Variants in TBCA observed in about 807,000 individuals in gnomAD.
TBCA encodes tubulin-specific chaperone A.
In TBCA, 6 loss-of-function variants were observed where a neutral mutation model predicts 15.8. That is an observed-to-expected ratio of 0.38 (90% CI 0.21 to 0.75). The LOEUF is 0.75. Among genes scored for constraint, TBCA ranks in the 30% least tolerant of loss-of-function variants. The probability of loss-of-function intolerance (pLI) is 0.46; values close to 1 mark genes in which losing one functional copy is unlikely to be tolerated. For synonymous variants in TBCA, 32 were observed against 42.3 expected, an observed-to-expected ratio of 0.76 and a Z score of 0.94; for missense variants, 90 against 131.2, an observed-to-expected ratio of 0.69 and a Z score of 1.53.
At chr5:77,739,282 G>A (rs1356534735) in intron 1 of TBCA, among the ~76,000 whole-genome samples, 4 of 151,954 alleles carry the variant, frequency 2.6e-5, no homozygotes, top group Admixed American at 6.6e-5. Context: ...CCAACATGGT[G>A]AACCCTTGTC....
chr5:77,716,554 T>C (rs1746403055), intron 1 of TBCA, among the ~76,000 whole-genome samples: 1 of 152,130 alleles, frequency 6.6e-6, no homozygotes, highest in Non-Finnish European at 1.5e-5. Flanking sequence ...GCCATATATA[T>C]CATTTAAGTC....
intron 1 of TBCA, among the ~76,000 whole-genome samples, chr5:77,762,183 T>A (rs1447048677): frequency 6.6e-6 from 1 of 152,198 alleles, no homozygotes; most frequent in Non-Finnish European, 1.5e-5. Flanking sequence ...GAGTGTTCAC[T>A]AGATGTTTGC....
At chr5:77,699,853 C>A (rs1449145567) in intron 2 of TBCA, among the ~76,000 whole-genome samples, 1 of 151,948 alleles carries the variant, frequency 6.6e-6, no homozygotes, top group African/African-American at 2.4e-5. Flanking sequence ...GCCTGACCAA[C>A]ACGGTGAAAC....
At chr5:77,757,018 A>G (rs905890616) in intron 1 of TBCA, among the ~76,000 whole-genome samples, 1 of 152,180 alleles carries the variant, frequency 6.6e-6, no homozygotes, top group Admixed American at 6.5e-5. Context: ...TTTTTAAGAC[A>G]GGAAACAAAT....
intron 1 of TBCA, among the ~76,000 whole-genome samples, chr5:77,772,934 A>C (rs1003139763): frequency 2.0e-5 from 3 of 152,242 alleles, no homozygotes; most frequent in African/African-American, 7.2e-5. Flanking sequence ...ACTTGAACTA[A>C]GTAATTTTAT....
At chr5:77,737,016 AAAGAC>A (rs1746924744) in intron 1 of TBCA, among the ~76,000 whole-genome samples, 1 of 152,228 alleles carries the variant, frequency 6.6e-6, no homozygotes, top group African/African-American at 2.4e-5. Flanking sequence ...GGAATCTAGA[AAAGAC>A]TTTTGGGAAT....
intron 1 of TBCA, among the ~76,000 whole-genome samples, chr5:77,734,624 C>A (rs1219873200): frequency 1.3e-5 from 2 of 152,146 alleles, no homozygotes; most frequent in Non-Finnish European, 2.9e-5. Flanking sequence ...AAAATGGTTT[C>A]TTGAGATGAA....
At chr5:77,699,421 A>G (rs1745953566) in intron 2 of TBCA, among the ~76,000 whole-genome samples, 1 of 152,252 alleles carries the variant, frequency 6.6e-6, no homozygotes. Context: ...AGAACACAAA[A>G]GTAAACCCAC....
intron 1 of TBCA, among the ~76,000 whole-genome samples, chr5:77,764,553 T>C (rs1024340430): frequency 2.0e-4 from 30 of 152,198 alleles, no homozygotes; most frequent in African/African-American, 6.8e-4. Flanking sequence ...AAAAAGTTTA[T>C]AGCAATATTC....
chr5:77,715,104 C>G (rs1236473639), intron 1 of TBCA: 1 of 611,514 alleles, frequency 1.6e-6, no homozygotes, highest in Non-Finnish European at 2.9e-6. Context: ...GAGAAGAGGA[C>G]ACATGAGTTA....
In TBCA at chr5:77,691,725, C is replaced by T. The variant is rs553666534; in HGVS notation, c.247-227G>A. The T allele has an allele frequency of 3.3e-4, 392 of 1,197,092 alleles. 5 individuals carry two copies. The South Asian group carries it at 0.011, about 33-fold the overall frequency. The allele number at this position is 1,197,092 out of a possible 1,614,324, so 74.2% of individuals were successfully genotyped here. A position where few individuals can be genotyped will look rare whatever the true frequency, so the allele number is the denominator to read the frequency against. ...GGTTTTGTTTCACTGTATATATTCT[C>T]ATAAAATAAGTGAATAACAGTCTTC... is the stretch of plus-strand genomic sequence containing the variant. On this transcript the variant is annotated intron_variant, in intron 3 of 3. Coordinates refer to ENST00000380377, the MANE Select transcript of TBCA (RefSeq NM_004607.3).
At chr5:77,754,847 A>G (rs1175660678) in intron 1 of TBCA, among the ~76,000 whole-genome samples, 1 of 152,228 alleles carries the variant, frequency 6.6e-6, no homozygotes, top group African/African-American at 2.4e-5. Flanking sequence ...GACATTTCTA[A>G]TATTATTTTA....
At chr5:77,696,728 C>T (rs974351653) in intron 2 of TBCA, among the ~76,000 whole-genome samples, 1 of 152,260 alleles carries the variant, frequency 6.6e-6, no homozygotes, top group East Asian at 1.9e-4. Flanking sequence ...TTGCGACCAG[C>T]CTGGGCAACA....
Position 77,691,511 on chromosome 5 carries a change from A to C in TBCA, c.247-13T>G. 6.4e-7 allele frequency: 1 copy of C among 1,574,204 alleles called. No homozygotes were observed. Among genetic ancestry groups the C allele is most frequent in the Non-Finnish European group, 8.6e-7 (1 of 1,163,320 alleles). ...CTTTTTCATTTTCCTAAAATGAAAT[A>C]CAATAAAAATTAAGTTTATCCTTTT... On this transcript the variant is annotated splice_polypyrimidine_tract_variant and intron_variant, in intron 3 of 3. Coordinates refer to ENST00000380377, the MANE Select transcript of TBCA (RefSeq NM_004607.3).
chr5:77,713,484 G>A (rs1323839943), intron 1 of TBCA, among the ~76,000 whole-genome samples: 1 of 152,020 alleles, frequency 6.6e-6, no homozygotes, highest in Non-Finnish European at 1.5e-5. Flanking sequence ...ATACTGTGAT[G>A]AGCATCCCTA....
At chr5:77,760,161 CAG>C (rs966667055) in intron 1 of TBCA, among the ~76,000 whole-genome samples, 21 of 152,276 alleles carry the variant, frequency 1.4e-4, no homozygotes, top group African/African-American at 5.1e-4. Flanking sequence ...ACTTCTAACA[CAG>C]AGGATCAGTC....
chr5:77,736,294 C>G (rs1359627237), intron 1 of TBCA, among the ~76,000 whole-genome samples: 1 of 148,786 alleles, frequency 6.7e-6, no homozygotes, highest in African/African-American at 2.5e-5. Context: ...CGAGATCGCA[C>G]CATTGCACTC....
At chr5:77,696,724 C>T (rs1378811888) in intron 2 of TBCA, among the ~76,000 whole-genome samples, 1 of 152,146 alleles carries the variant, frequency 6.6e-6, no homozygotes, top group Admixed American at 6.6e-5. Flanking sequence ...TAGTTTGCGA[C>T]CAGCCTGGGC....
In TBCA at chr5:77,776,259, G is replaced by A. The variant is rs1260137806; in HGVS notation, c.-2C>T. 1.3e-6 allele frequency: 2 copies of A among 1,578,974 alleles called. No individual in the cohort carries two copies. Among genetic ancestry groups the A allele is most frequent in the South Asian group, 1.2e-5 (1 of 86,200 alleles). On this transcript the variant is annotated 5_prime_UTR_variant, in exon 1 of 4. Coordinates refer to ENST00000380377, the MANE Select transcript of TBCA (RefSeq NM_004607.3). ...CTGTCTCACGCGAGGATCGGCCATG[G>A]TCCCTCGAGCGCCGCGAGAAGGAGG...
Sources: allele counts gnomAD v4.1 joint callset (sites outside exome capture counted in the v4.1 genomes callset), GRCh38; gene constraint gnomAD v4.1.1; transcripts MANE v1.5; gene names NCBI Gene and HGNC (gene_info 2026-07-23, HGNC 2026-07-21).